The following PRELID2 variants were observed in gnomAD, a reference collection of about 807,000 sequenced individuals.
The protein encoded by PRELID2 is PRELI domain-containing protein 2.
In PRELID2, 25 loss-of-function variants were observed where a neutral mutation model predicts 28.4. The ratio of observed to expected loss-of-function variants is 0.88; its 90% CI spans 0.64 to 1.23. PRELID2 has a LOEUF of 1.23. Among genes scored for constraint, PRELID2 ranks in the 50% most tolerant of loss-of-function variants. The probability of loss-of-function intolerance (pLI) is 0.00; values close to 1 mark genes in which losing one functional copy is unlikely to be tolerated. For synonymous variants in PRELID2, 76 were observed against 71.6 expected (o/e 1.06, Z -0.31); for missense variants, 201 against 214.4 (o/e 0.94, Z 0.39).
chr5:145,372,886 A>G, the PRELID2 span, among the ~76,000 whole-genome samples: 1 of 95,782 alleles, frequency 1.0e-5, no homozygotes, highest in African/African-American at 3.7e-5. Flanking sequence ...TATATATGAT[A>G]TTATATATTA....
At chr5:145,470,653 T>A (rs76848170), downstream of PRELID2, among the ~76,000 whole-genome samples, 2,225 of 152,216 alleles carry the variant, frequency 0.015, 31 homozygotes, top group African/African-American at 0.037. Flanking sequence ...CTGGGTCATG[T>A]GAAGATGCAG....
the PRELID2 span, among the ~76,000 whole-genome samples, chr5:145,452,690 A>G: frequency 6.6e-6 from 1 of 152,148 alleles, no homozygotes; most frequent in Non-Finnish European, 1.5e-5. Flanking sequence ...AGATTCTAGC[A>G]TAGTTCTTAG....
intron 1 of PRELID2, among the ~76,000 whole-genome samples, chr5:145,674,971 CTA>C (rs992134748): frequency 1.1e-4 from 16 of 151,760 alleles, no homozygotes; most frequent in African/African-American, 3.9e-4. Flanking sequence ...AAGACTACCA[CTA>C]TATCAGTACT....
chr5:145,424,674 A>G, the PRELID2 span, among the ~76,000 whole-genome samples: 1 of 151,908 alleles, frequency 6.6e-6, no homozygotes, highest in African/African-American at 2.4e-5. Context: ...TGCAGAAATC[A>G]CCCGTCTTCT....
At chr5:145,412,826 C>A in the PRELID2 span, among the ~76,000 whole-genome samples, 3 of 152,154 alleles carry the variant, frequency 2.0e-5, no homozygotes, top group Non-Finnish European at 2.9e-5. Context: ...GGGGAGGCCT[C>A]AGGAAACTTA....
Position 145,824,425 on chromosome 5 carries a change from C to CGTGTATGTGT in PRELID2, c.76-1292_76-1291insACACATACAC, listed in dbSNP as rs1554100809. On this transcript the variant is annotated intron_variant, in intron 1 of 6. Transcript: ENST00000683046. ...ACTGTGGGTCTCCACCCACAGCAGG[C>CGTGTATGTGT]GTGTGTGTGTGTGTGTGTGTGTGTG... 9.4e-5 allele frequency among the ~76,000 whole-genome samples: 9 copies of CGTGTATGTGT among 96,160 alleles called. 1 individual carries two copies. The highest frequency in any genetic ancestry group is 2.7e-4 in the African/African-American group (9 of 32,830). The allele number at this position is 96,160 out of a possible 152,430, so 63.1% of individuals were successfully genotyped here.
intron 1 of PRELID2, among the ~76,000 whole-genome samples, chr5:145,698,522 C>T (rs1280849486): frequency 6.6e-6 from 1 of 152,118 alleles, no homozygotes; most frequent in Non-Finnish European, 1.5e-5. Flanking sequence ...CTGGGAAGTC[C>T]AAGATCAAGG....
At chr5:145,772,294 C>A (rs1438031551) in intron 5 of PRELID2, among the ~76,000 whole-genome samples, 1 of 151,894 alleles carries the variant, frequency 6.6e-6, no homozygotes, top group African/African-American at 2.4e-5. Flanking sequence ...CAATCAGGCT[C>A]AAGAATCCAG....
chr5:145,797,183 A>G (rs1477853177), intron 4 of PRELID2, among the ~76,000 whole-genome samples: 3 of 152,184 alleles, frequency 2.0e-5, no homozygotes, highest in Non-Finnish European at 4.4e-5. Flanking sequence ...GAGTGATAGA[A>G]GTAAGATGGC....
At chr5:145,715,571 C>A (rs1755819280) in intron 1 of PRELID2, among the ~76,000 whole-genome samples, 1 of 152,136 alleles carries the variant, frequency 6.6e-6, no homozygotes, top group South Asian at 2.1e-4. Flanking sequence ...CCAAACTTCC[C>A]ACCCCAGCTT....
chr5:145,482,221 C>T (rs1752168387), intron 1 of PRELID2, among the ~76,000 whole-genome samples: 1 of 152,186 alleles, frequency 6.6e-6, no homozygotes, highest in Admixed American at 6.5e-5. Context: ...GGAAGCACCT[C>T]ATAGTAATCT....
At chr5:145,447,056 A>AATAAATAAATAT in the PRELID2 span, among the ~76,000 whole-genome samples, 5 of 148,860 alleles carry the variant, frequency 3.4e-5, no homozygotes, top group African/African-American at 1.2e-4. Context: ...TCTCAAAATA[A>AATAAATAAATAT]ATAAATAAAT....
the PRELID2 span, among the ~76,000 whole-genome samples, chr5:145,409,352 T>C: frequency 6.6e-6 from 1 of 152,142 alleles, no homozygotes; most frequent in East Asian, 1.9e-4. Flanking sequence ...GCATGATGAA[T>C]AGAATAGTAC....
chr5:145,695,890 G>A (rs1179105258), intron 1 of PRELID2, among the ~76,000 whole-genome samples: 1 of 152,044 alleles, frequency 6.6e-6, no homozygotes, highest in Non-Finnish European at 1.5e-5. Flanking sequence ...GATATAATAT[G>A]GGAGGGGACC....
chr5:145,546,875 C>T (rs970076857), intron 1 of PRELID2, among the ~76,000 whole-genome samples: 1 of 152,146 alleles, frequency 6.6e-6, no homozygotes, highest in Non-Finnish European at 1.5e-5. Flanking sequence ...AGAGGGAAAA[C>T]AGCTTAGCTT....
chr5:145,374,775 C>A, the PRELID2 span, among the ~76,000 whole-genome samples: 1 of 152,246 alleles, frequency 6.6e-6, no homozygotes, highest in East Asian at 1.9e-4. Flanking sequence ...GTCAATTTGG[C>A]TTTTGATACT....
the PRELID2 span, among the ~76,000 whole-genome samples, chr5:145,404,956 G>A: frequency 6.6e-6 from 1 of 152,096 alleles, no homozygotes; most frequent in Non-Finnish European, 1.5e-5. Flanking sequence ...GTAACTGGAT[G>A]GAGGCCCCGC....
chr5:145,357,130 T>A, the PRELID2 span, among the ~76,000 whole-genome samples: 116 of 152,322 alleles, frequency 7.6e-4, 1 homozygote, highest in African/African-American at 2.7e-3. Context: ...TGGGGTTCCC[T>A]TTGTAGGTGA....
chr5:145,356,076 CAACA>C, the PRELID2 span, among the ~76,000 whole-genome samples: 27 of 152,244 alleles, frequency 1.8e-4, no homozygotes, highest in South Asian at 5.6e-3. Flanking sequence ...GAATATTCCT[CAACA>C]AACAGCACCA....
Sources: gnomAD v4.1 joint callset for allele counts (sites outside exome capture counted in the v4.1 genomes callset) on GRCh38, gnomAD v4.1.1 for gene constraint, MANE v1.5 for transcripts, NCBI Gene and HGNC (gene_info 2026-07-23, HGNC 2026-07-21) for gene names.